The following CFAP54 variants were observed in gnomAD, a reference collection of about 807,000 sequenced individuals.
The protein encoded by CFAP54 is cilia and flagella associated protein 54, also known as cilia- and flagella-associated protein 54.
In CFAP54, 290 loss-of-function variants were observed where a neutral mutation model predicts 370.4. The observed-to-expected ratio is 0.78, with a 90% CI of 0.71 to 0.86. CFAP54 has a LOEUF of 0.86. Ranked by LOEUF, CFAP54 falls within the 40% of genes least tolerant of loss-of-function variation. The pLI is 0.00. For synonymous variants in CFAP54, 1,206 were observed against 1,236.5 expected (o/e 0.98, Z 0.52); for missense variants, 3,399 against 3,528.7 (o/e 0.96, Z 0.93).
At chr12:96,678,695 T>C (rs925137939) in intron 39 of CFAP54, among the ~76,000 whole-genome samples, 13 of 152,174 alleles carry the variant, frequency 8.5e-5, no homozygotes, top group Non-Finnish European at 1.8e-4. Context: ...CCTACACTGA[T>C]CTCTGTCTTC....
chr12:96,802,030 C>A lies in CFAP54; in HGVS notation c.8850+9531C>A, dbSNP rs75555176. ...CTCATATTGCATGGCTGGGAAGGGT[C>A]CTGCCCTCCCTGATTGCAGGCCTAA... On this transcript the variant is annotated intron_variant, in intron 63 of 67. Transcript: ENST00000524981. Among the ~76,000 whole-genome samples, 558 of 152,220 alleles carry A rather than the reference C, an allele frequency of 3.7e-3. 4 individuals are homozygous for A. Among genetic ancestry groups the A allele is most frequent in the African/African-American group, 0.013 (531 of 41,538 alleles).
intron 50 of CFAP54, among the ~76,000 whole-genome samples, chr12:96,725,206 T>C (rs1466852302): frequency 2.6e-5 from 4 of 151,774 alleles, no homozygotes; most frequent in Non-Finnish European, 5.9e-5. Flanking sequence ...TTTCCAATTC[T>C]GTGAAGAAAG....
chr12:96,554,324 A>G lies in CFAP54; in HGVS notation c.2283+14A>G. On this transcript the variant is annotated intron_variant, in intron 16 of 67. Transcript: ENST00000524981. ...TGCTATGCCAAGGTAAGAATGGAAGAGTCTTAAATTAGATTGAAGTTTTAC... is the reference window on the plus strand; with the variant it reads ...TGCTATGCCAAGGTAAGAATGGAAGGGTCTTAAATTAGATTGAAGTTTTAC... The G allele has an allele frequency of 6.7e-7, 1 of 1,502,244 alleles. No individual in the cohort carries two copies. The highest frequency in any genetic ancestry group is 8.8e-7 in the Non-Finnish European group (1 of 1,134,772). The allele number at this position is 1,502,244 out of a possible 1,614,324, so 93.1% of individuals were successfully genotyped here. A position where few individuals can be genotyped will look rare whatever the true frequency, so the allele number is the denominator to read the frequency against.
chr12:96,836,398 T>C (rs565721415), intron 66 of CFAP54, among the ~76,000 whole-genome samples: 1 of 152,288 alleles, frequency 6.6e-6, no homozygotes, highest in Admixed American at 6.5e-5. Flanking sequence ...TGATCTTTCT[T>C]TAACTACACT....
chr12:96,510,355 G>A (rs1375940744), intron 4 of CFAP54, among the ~76,000 whole-genome samples: 1 of 152,012 alleles, frequency 6.6e-6, no homozygotes, highest in Admixed American at 6.6e-5. Flanking sequence ...TACTCTCTGA[G>A]TCTGGCTTTT....
chr12:96,825,996 T>C (rs1024492027), intron 65 of CFAP54, among the ~76,000 whole-genome samples: 2 of 143,382 alleles, frequency 1.4e-5, no homozygotes, highest in African/African-American at 5.0e-5. Context: ...AATTAATAAA[T>C]AACAATATAT....
At chr12:96,594,512 A>T in intron 25 of CFAP54, 66 bp downstream of exon 25, 1 of 1,261,956 alleles carries the variant, frequency 7.9e-7, no homozygotes, top group Non-Finnish European at 1.1e-6. Context: ...TTCATTTTAG[A>T]AAAGAAAAGC....
intron 39 of CFAP54, among the ~76,000 whole-genome samples, chr12:96,673,735 G>T (rs1212617848): frequency 6.6e-6 from 1 of 152,192 alleles, no homozygotes; most frequent in East Asian, 1.9e-4. Context: ...TTCCACACCA[G>T]ATCGCTGCTT....
chr12:96,570,061 C>T lies in CFAP54; in HGVS notation c.2619+5296C>T, dbSNP rs900782213. 6.6e-5 allele frequency among the ~76,000 whole-genome samples: 10 copies of T among 152,170 alleles called. No homozygotes were observed. In the South Asian group the frequency reaches 1.7e-3, roughly 25 times the overall value. On this transcript the variant is annotated intron_variant, in intron 19 of 67. Transcript: ENST00000524981. ...TGGTGTGTATGGCTCACTGCAGCCT[C>T]GACCTCCTGGGTTCAGCCATTCTCC...
At chr12:96,577,527 C>G (rs117158855) in intron 20 of CFAP54, among the ~76,000 whole-genome samples, 8 of 152,138 alleles carry the variant, frequency 5.3e-5, no homozygotes, top group Non-Finnish European at 1.2e-4. Context: ...GTTATGTCAA[C>G]TTGGTATAGT....
chr12:96,517,615 A>G (rs147420173), intron 5 of CFAP54, among the ~76,000 whole-genome samples: 2 of 152,380 alleles, frequency 1.3e-5, no homozygotes, highest in African/African-American at 2.4e-5. Context: ...GATTAATTTC[A>G]TATCAGTTCA....
At chr12:96,643,928 G>A (rs571129106) in intron 32 of CFAP54, among the ~76,000 whole-genome samples, 8 of 152,188 alleles carry the variant, frequency 5.3e-5, no homozygotes, top group Admixed American at 5.2e-4. Context: ...TTTTAGCTAA[G>A]GACACAGACT....
intron 45 of CFAP54, among the ~76,000 whole-genome samples, 165 bp from the exon 46 acceptor site, chr12:96,699,806 A>G (rs1356367758): frequency 6.6e-6 from 1 of 152,178 alleles, no homozygotes; most frequent in Non-Finnish European, 1.5e-5. Context: ...ACATAGACAC[A>G]CGCATCTCTC....
At chr12:96,856,407 T>G (rs903227469) in intron 66 of CFAP54, among the ~76,000 whole-genome samples, 6 of 152,178 alleles carry the variant, frequency 3.9e-5, no homozygotes, top group African/African-American at 9.6e-5. Flanking sequence ...TTCCAAACTT[T>G]TATGCTCTGC....
At chr12:96,501,042 C>A in intron 2 of CFAP54, 103 bp downstream of exon 2, 1 of 624,744 alleles carries the variant, frequency 1.6e-6, no homozygotes, top group Non-Finnish European at 2.5e-6. Context: ...TTTGATTTTT[C>A]TCTTAGAAAA....
chr12:96,830,774 G>A (rs1026076995), intron 66 of CFAP54, among the ~76,000 whole-genome samples: 9 of 152,060 alleles, frequency 5.9e-5, no homozygotes, highest in African/African-American at 1.7e-4. Context: ...CACTTGCTGG[G>A]TTCAAGTGAT....
chr12:96,823,206 C>T (rs1592786023), intron 65 of CFAP54, among the ~76,000 whole-genome samples: 1 of 152,086 alleles, frequency 6.6e-6, no homozygotes, highest in African/African-American at 2.4e-5. Context: ...ATAGCTCACA[C>T]AGCATTTTCT....
intron 62 of CFAP54, among the ~76,000 whole-genome samples, chr12:96,788,425 C>T (rs908356496): frequency 6.6e-6 from 1 of 152,148 alleles, no homozygotes; most frequent in African/African-American, 2.4e-5. Context: ...TCTTTCAAAA[C>T]TAGAAAAAAA....
At chr12:96,825,668 A>C (rs1471658577) in intron 65 of CFAP54, among the ~76,000 whole-genome samples, 2 of 122,100 alleles carry the variant, frequency 1.6e-5, no homozygotes, top group Non-Finnish European at 3.1e-5. Flanking sequence ...TCATGCTATA[A>C]TATATTATAT....
Sources: allele counts gnomAD v4.1 joint callset (sites outside exome capture counted in the v4.1 genomes callset), GRCh38; gene constraint gnomAD v4.1.1; transcripts MANE v1.5; gene names NCBI Gene and HGNC (gene_info 2026-07-23, HGNC 2026-07-21).